The following ITGB3BP variants were observed in gnomAD, a reference collection of about 807,000 sequenced individuals.
ITGB3BP encodes integrin subunit beta 3 binding protein.
ITGB3BP carries 27 observed loss-of-function variants against 29.1 expected under a neutral mutation model. The observed-to-expected ratio is 0.93, with a 90% CI of 0.68 to 1.28. The LOEUF (loss-of-function observed/expected upper bound fraction) is 1.28. Among genes scored for constraint, ITGB3BP ranks in the 50% most tolerant of loss-of-function variants. The probability of loss-of-function intolerance (pLI) is 0.00; values close to 1 mark genes in which losing one functional copy is unlikely to be tolerated. For synonymous variants in ITGB3BP, 61 were observed against 61.4 expected (o/e 0.99, Z 0.03); for missense variants, 192 against 200.2 (o/e 0.96, Z 0.25).
At chr1:63,491,922 T>C (rs1438261561) in intron 2 of ITGB3BP, among the ~76,000 whole-genome samples, 1 of 64,564 alleles carries the variant, frequency 1.5e-5, no homozygotes, top group Non-Finnish European at 5.3e-5. Context: ...CCTGTTTGTA[T>C]GTATTCAGTC....
rs1364845468 is a variant in ITGB3BP, at chr1:63,523,114, G to A, written c.5+15C>T. ...GGGCCCCCAAAACAGCAATACCTGG[G>A]GAGGAGATACCTACGGCATTCTGAG... On this transcript the variant is annotated intron_variant, in intron 1 of 8. Coordinates refer to ENST00000271002, the MANE Select transcript of ITGB3BP (RefSeq NM_014288.5). The A allele has an allele frequency of 6.2e-7, 1 of 1,614,124 alleles. No homozygotes were observed.
intron 1 of ITGB3BP, among the ~76,000 whole-genome samples, chr1:63,522,453 A>G (rs1462251111): frequency 2.6e-5 from 4 of 152,152 alleles, no homozygotes; most frequent in Non-Finnish European, 5.9e-5. Context: ...CCAACCTTTA[A>G]TGGCTTTTTT....
intron 2 of ITGB3BP, among the ~76,000 whole-genome samples, chr1:63,528,664 CATATT>C (rs1260928718): frequency 6.6e-6 from 1 of 151,784 alleles, no homozygotes; most frequent in African/African-American, 2.4e-5. Context: ...CAAAAAATCT[CATATT>C]ATACACCTAC....
intron 4 of ITGB3BP, among the ~76,000 whole-genome samples, chr1:63,470,921 AC>A (rs1557622218): frequency 6.6e-6 from 1 of 152,144 alleles, no homozygotes. Flanking sequence ...CAGAAGATCT[AC>A]CCAGTATTTT....
intron 2 of ITGB3BP, among the ~76,000 whole-genome samples, chr1:63,508,142 T>G (rs893960277): frequency 3.9e-5 from 6 of 152,214 alleles, no homozygotes; most frequent in African/African-American, 9.6e-5. Flanking sequence ...AAAATGCTAC[T>G]AATGTTTTCA....
chr1:63,443,309 T>C (rs6671446), intron 8 of ITGB3BP: 32,623 of 151,938 alleles, frequency 0.21, 4,086 homozygotes, highest in African/African-American at 0.35. Flanking sequence ...GGGAGAGGGA[T>C]TTGGGGAAGC....
intron 2 of ITGB3BP, among the ~76,000 whole-genome samples, chr1:63,528,445 G>C (rs1018796472): frequency 6.6e-6 from 1 of 152,004 alleles, no homozygotes; most frequent in African/African-American, 2.4e-5. Flanking sequence ...GAAAGGTAGT[G>C]GGGGTAGGGG....
intron 3 of ITGB3BP, among the ~76,000 whole-genome samples, chr1:63,485,362 C>T (rs79768770): frequency 3.3e-5 from 5 of 151,996 alleles, no homozygotes; most frequent in Admixed American, 2.0e-4. Context: ...TCTAAAACAT[C>T]GTAACTCTTA....
At chr1:63,459,078 A>G (rs75867911) in intron 4 of ITGB3BP, among the ~76,000 whole-genome samples, 10 of 144,740 alleles carry the variant, frequency 6.9e-5, no homozygotes, top group Non-Finnish European at 1.2e-4. Context: ...AGTACTATGG[A>G]AAAAAAAAAA....
chr1:63,458,859 C>T (rs75568049), intron 4 of ITGB3BP, among the ~76,000 whole-genome samples: 1 of 152,238 alleles, frequency 6.6e-6, no homozygotes, highest in East Asian at 1.9e-4. Context: ...GACCATCCAT[C>T]CCTAGATTCA....
chr1:63,477,565 C>G (rs1645362823), intron 4 of ITGB3BP, among the ~76,000 whole-genome samples: 1 of 151,912 alleles, frequency 6.6e-6, no homozygotes, highest in Admixed American at 6.6e-5. Flanking sequence ...AAAAAATACA[C>G]AAAAATTAGT....
At chr1:63,473,975 G>A (rs1195438036) in intron 4 of ITGB3BP, among the ~76,000 whole-genome samples, 1 of 5,168 alleles carries the variant, frequency 1.9e-4, no homozygotes, top group African/African-American at 2.2e-4. Context: ...GAGGTGGGGG[G>A]ATCAGCCCCC....
intron 3 of ITGB3BP, among the ~76,000 whole-genome samples, chr1:63,485,452 ATTGT>A (rs548705700): frequency 7.3e-4 from 106 of 145,632 alleles, no homozygotes; most frequent in African/African-American, 2.5e-3. Flanking sequence ...CCGCCCTCCA[ATTGT>A]TTGTTTTTAA....
intron 2 of ITGB3BP, among the ~76,000 whole-genome samples, chr1:63,493,675 G>GA (rs1645717622): frequency 6.6e-6 from 1 of 151,850 alleles, no homozygotes; most frequent in South Asian, 2.1e-4. Flanking sequence ...AAATAGATAT[G>GA]ATATTTTCCT....
chr1:63,454,833 G>A lies in ITGB3BP; in HGVS notation c.333+57C>T, dbSNP rs1644909079. 3 of 766,580 alleles carry A rather than the reference G, an allele frequency of 3.9e-6. No individual in the cohort carries two copies. The highest frequency in any genetic ancestry group is 6.5e-6 in the Non-Finnish European group (3 of 462,810). 47.5% of individuals were successfully genotyped at this position (766,580 alleles called of 1,614,324 possible). ...TCCTGGATTGGATTCTCCAATCTGG[G>A]ACACTTCTTTCATTTTATCCTTTTC... On this transcript the variant is annotated intron_variant, in intron 5 of 8. Transcript: ENST00000271002. The surrounding 1 kb of genome is among the most constrained non-coding windows in gnomAD (Gnocchi z 4.1).
chr1:63,514,446 A>AG (rs1646266435), intron 1 of ITGB3BP, among the ~76,000 whole-genome samples: 1 of 152,200 alleles, frequency 6.6e-6, no homozygotes. Context: ...TTAATTTCAT[A>AG]AGAAACTGCC....
At chr1:63,471,294 G>A (rs1280370228) in intron 4 of ITGB3BP, among the ~76,000 whole-genome samples, 6 of 127,900 alleles carry the variant, frequency 4.7e-5, no homozygotes, top group East Asian at 4.6e-4. Flanking sequence ...ACAGAGTCTC[G>A]CTCTGTCACC....
In ITGB3BP at chr1:63,502,124, T is replaced by C. The variant is rs934125727; in HGVS notation, c.48+6404A>G. Among the ~76,000 whole-genome samples the C allele has an allele frequency of 2.6e-5, 4 of 152,330 alleles. No homozygotes were observed. The East Asian group carries it at 7.7e-4, about 29-fold the overall frequency. On this transcript the variant is annotated intron_variant, in intron 2 of 8. Coordinates refer to ENST00000271002, the MANE Select transcript of ITGB3BP (RefSeq NM_014288.5). ...AGCCAGTTGTCCATATAAATTCATC[T>C]GGACTGCCATCGGCAACAGTTTGTA...
chr1:63,471,352 C>T (rs747937048), intron 4 of ITGB3BP, among the ~76,000 whole-genome samples: 11 of 149,814 alleles, frequency 7.3e-5, no homozygotes, highest in Middle Eastern at 3.5e-3. Flanking sequence ...TGCAAGTTCA[C>T]GCCATTCTTC....
Sources: gnomAD v4.1 joint callset for allele counts (sites outside exome capture counted in the v4.1 genomes callset) on GRCh38, gnomAD v4.1.1 for gene constraint, Gnocchi (gnomAD v3.1) non-coding constraint, MANE v1.5 for transcripts, NCBI Gene and HGNC (gene_info 2026-07-23, HGNC 2026-07-21) for gene names.